The following IL1RAPL2 variants were observed in gnomAD, a reference collection of about 807,000 sequenced individuals.
The protein encoded by IL1RAPL2 is interleukin 1 receptor accessory protein like 2, also known as X-linked interleukin-1 receptor accessory protein-like 2.
Under a neutral mutation model 44.1 loss-of-function variants are expected in IL1RAPL2, and 3 were observed. The ratio of observed to expected loss-of-function variants is 0.07; its 90% CI spans 0.03 to 0.18. IL1RAPL2 has a LOEUF of 0.18. IL1RAPL2 is among the 10% of genes least tolerant of loss of function. The pLI, the probability that IL1RAPL2 is intolerant of heterozygous loss-of-function variation, is 1.00. For missense variants in IL1RAPL2, 391 were observed against 496.4 expected (o/e 0.79, Z 2.02); for synonymous variants, 181 against 178.8 (o/e 1.01, Z -0.10).
intron 2 of IL1RAPL2, among the ~76,000 whole-genome samples, chrX:104,910,146 C>A (rs1035540502): frequency 8.9e-6 from 1 of 112,293 alleles, no homozygotes; most frequent in Non-Finnish European, 1.9e-5. Context: ...CTGTCTTTGA[C>A]TAGGAAAGGG....
chrX:105,203,195 A>G (rs938733671), intron 3 of IL1RAPL2, among the ~76,000 whole-genome samples: 9 of 112,209 alleles, frequency 8.0e-5, no homozygotes, highest in African/African-American at 2.9e-4. Flanking sequence ...TGTACACCAG[A>G]TTCTATCCCT....
intron 5 of IL1RAPL2, among the ~76,000 whole-genome samples, chrX:105,448,831 G>T (rs1253866991): frequency 9.0e-6 from 1 of 110,723 alleles, no homozygotes; most frequent in Non-Finnish European, 1.9e-5. Flanking sequence ...GCTATTAAAA[G>T]ATTCTGATGC....
At chrX:104,575,383 C>T (rs1928225338) in intron 1 of IL1RAPL2, among the ~76,000 whole-genome samples, 1 of 111,303 alleles carries the variant, frequency 9.0e-6, no homozygotes, top group African/African-American at 3.3e-5. Context: ...TATTTGGACT[C>T]TTATTTTTTA....
At chrX:105,757,705 C>T (rs1176531824) in intron 10 of IL1RAPL2, among the ~76,000 whole-genome samples, 1 of 111,553 alleles carries the variant, frequency 9.0e-6, no homozygotes, top group Non-Finnish European at 1.9e-5. Context: ...TAGATGCAAC[C>T]ACTGGAGGGT....
chrX:105,757,358 C>T (rs1282630147), intron 10 of IL1RAPL2, among the ~76,000 whole-genome samples: 2 of 111,998 alleles, frequency 1.8e-5, no homozygotes, highest in African/African-American at 6.5e-5. Context: ...ACTCCTGTGA[C>T]ATTTTGCATT....
At chrX:104,898,690 T>A (rs752810997) in intron 2 of IL1RAPL2, among the ~76,000 whole-genome samples, 37 of 112,386 alleles carry the variant, frequency 3.3e-4, no homozygotes, top group African/African-American at 1.1e-3. Context: ...TTTTTTCCCA[T>A]GAAAGCTTTT....
intron 2 of IL1RAPL2, among the ~76,000 whole-genome samples, chrX:104,990,897 C>A (rs2030649962): frequency 9.0e-6 from 1 of 110,604 alleles, no homozygotes; most frequent in South Asian, 3.9e-4. Context: ...CTAGTCTATC[C>A]CTATAGAATT....
At chrX:104,655,529 A>T (rs1390546842) in intron 1 of IL1RAPL2, among the ~76,000 whole-genome samples, 2 of 111,783 alleles carry the variant, frequency 1.8e-5, no homozygotes, top group South Asian at 3.8e-4. Flanking sequence ...AGCCCACTTG[A>T]TCATGGTGGA....
chrX:105,172,689 A>G (rs1305199019), intron 2 of IL1RAPL2, among the ~76,000 whole-genome samples: 2 of 111,754 alleles, frequency 1.8e-5, no homozygotes, highest in Admixed American at 9.5e-5. Flanking sequence ...TTCAGTGCCC[A>G]TGTGATTAGG....
chrX:104,805,232 G>A (rs1932913866), intron 2 of IL1RAPL2, among the ~76,000 whole-genome samples: 1 of 111,360 alleles, frequency 9.0e-6, no homozygotes, highest in African/African-American at 3.3e-5. Flanking sequence ...TTAATGCCTA[G>A]TGTTCCATTA....
chrX:105,686,380 C>CAAA (rs1177667576), intron 6 of IL1RAPL2, among the ~76,000 whole-genome samples: 126 of 25,119 alleles, frequency 5.0e-3, no homozygotes, highest in East Asian at 9.7e-3. Context: ...AAATGGAAAG[C>CAAA]AAAAAAAAAA....
At chrX:105,576,936 T>C (rs1315584262) in intron 6 of IL1RAPL2, among the ~76,000 whole-genome samples, 1 of 111,654 alleles carries the variant, frequency 9.0e-6, no homozygotes, top group African/African-American at 3.3e-5. Context: ...ACTAAAGTCA[T>C]TGGTATGACA....
intron 2 of IL1RAPL2, among the ~76,000 whole-genome samples, chrX:104,753,348 C>T (rs1323475269): frequency 2.7e-5 from 3 of 110,694 alleles, no homozygotes; most frequent in African/African-American, 9.8e-5. Flanking sequence ...AAGAAGAGCA[C>T]ATTATAGATC....
chrX:105,042,791 C>A (rs1363699421), intron 2 of IL1RAPL2, among the ~76,000 whole-genome samples: 1 of 107,665 alleles, frequency 9.3e-6, no homozygotes, highest in African/African-American at 3.4e-5. Flanking sequence ...ATGTTTATTG[C>A]GGCACTATTC....
In IL1RAPL2 at chrX:105,318,146, C is replaced by A. The variant is rs867264784; in HGVS notation, c.697+50605C>A. ...CGCCACCACGCCTGGCTAATTTTTT[C>A]TATTTTTTAGTAGAGACGGGGTTTC... On this transcript the variant is annotated intron_variant, in intron 5 of 10. Coordinates refer to ENST00000372582, the MANE Select transcript of IL1RAPL2 (RefSeq NM_017416.2). Among the ~76,000 whole-genome samples the A allele has an allele frequency of 4.5e-5, 5 of 110,229 alleles. No individual in the cohort carries two copies. The East Asian group carries it at 1.4e-3, about 32-fold the overall frequency.
At chrX:105,085,159 C>T in intron 2 of IL1RAPL2, among the ~76,000 whole-genome samples, 1 of 111,912 alleles carries the variant, frequency 8.9e-6, no homozygotes, top group Non-Finnish European at 1.9e-5. Context: ...TATACTAATA[C>T]AGCAAATAAA....
chrX:104,674,553 A>T (rs141563981), intron 2 of IL1RAPL2, among the ~76,000 whole-genome samples: 35,918 of 110,589 alleles, frequency 0.32, 4,825 homozygotes, highest in East Asian at 0.6. Flanking sequence ...TTGGTCTAAA[A>T]TTCTCTTTTT....
intron 5 of IL1RAPL2, among the ~76,000 whole-genome samples, chrX:105,402,531 C>A (rs1026588026): frequency 9.0e-6 from 1 of 110,904 alleles, no homozygotes; most frequent in Non-Finnish European, 1.9e-5. Context: ...TAATTGTATT[C>A]TTATATGATG....
At chrX:104,877,862 T>C (rs186470421) in intron 2 of IL1RAPL2, among the ~76,000 whole-genome samples, 71 of 111,396 alleles carry the variant, frequency 6.4e-4, no homozygotes, top group Admixed American at 5.7e-3. Flanking sequence ...AGAGAAGTAA[T>C]GGACATGCAG....
Sources: gnomAD v4.1 joint callset for allele counts (sites outside exome capture counted in the v4.1 genomes callset) on GRCh38, gnomAD v4.1.1 for gene constraint, MANE v1.5 for transcripts, NCBI Gene and HGNC (gene_info 2026-07-23, HGNC 2026-07-21) for gene names.